The following KCNJ6 variants were observed in gnomAD, a reference collection of about 807,000 sequenced individuals.
The protein encoded by KCNJ6 is potassium inwardly rectifying channel subfamily J member 6.
KCNJ6 carries 9 observed loss-of-function variants against 34.2 expected under a neutral mutation model. That is an observed-to-expected ratio of 0.26 (90% confidence interval 0.16 to 0.46). The LOEUF (loss-of-function observed/expected upper bound fraction) is 0.46. Ranked by LOEUF, KCNJ6 falls within the 20% of genes least tolerant of loss-of-function variation. The probability of loss-of-function intolerance (pLI) is 1.00; values close to 1 mark genes in which losing one functional copy is unlikely to be tolerated. For missense variants in KCNJ6, 236 were observed against 531.3 expected (o/e 0.44, Z 5.46); for synonymous variants, 196 against 207.1 (o/e 0.95, Z 0.46).
chr21:37,854,085 A>G (rs11088411), intron 1 of KCNJ6, among the ~76,000 whole-genome samples: 98,187 of 150,668 alleles, frequency 0.65, 32,462 homozygotes, highest in East Asian at 0.86. Context: ...AAGCCTTAAC[A>G]TGCTAATAAT....
intron 3 of KCNJ6, among the ~76,000 whole-genome samples, chr21:37,683,104 A>G (rs2054597573): frequency 6.6e-6 from 1 of 152,208 alleles, no homozygotes; most frequent in Non-Finnish European, 1.5e-5. Context: ...CTGGAAAAAT[A>G]TGTCCTCTGA....
intron 2 of KCNJ6, among the ~76,000 whole-genome samples, chr21:37,753,755 G>A (rs1028162410): frequency 6.6e-6 from 1 of 152,144 alleles, no homozygotes; most frequent in Non-Finnish European, 1.5e-5. Context: ...TTTTATAGGC[G>A]AGCCTTTGCT....
At chr21:37,858,392 C>CAG (rs746824122) in intron 1 of KCNJ6, among the ~76,000 whole-genome samples, 5 of 54,500 alleles carry the variant, frequency 9.2e-5, no homozygotes. Flanking sequence ...GACTCCGTCT[C>CAG]AAAAAAAAAA....
chr21:37,632,151 A>G (rs1447667403), intron 3 of KCNJ6, among the ~76,000 whole-genome samples: 1 of 152,016 alleles, frequency 6.6e-6, no homozygotes, highest in African/African-American at 2.4e-5. Flanking sequence ...AGAGGAGAGA[A>G]CTGGAGAAGA....
intron 3 of KCNJ6, among the ~76,000 whole-genome samples, chr21:37,640,465 G>A (rs1176287275): frequency 1.3e-5 from 2 of 152,258 alleles, no homozygotes; most frequent in Non-Finnish European, 2.9e-5. Context: ...GACACCACTA[G>A]GGATGCTCTT....
At chr21:37,913,961 C>CA (rs2055879706) in intron 1 of KCNJ6, among the ~76,000 whole-genome samples, 1 of 150,800 alleles carries the variant, frequency 6.6e-6, no homozygotes, top group African/African-American at 2.4e-5. Flanking sequence ...TTTTGAAAGC[C>CA]AAAGGGACTC....
intron 1 of KCNJ6, among the ~76,000 whole-genome samples, chr21:37,858,954 T>C (rs1349510460): frequency 6.6e-6 from 1 of 152,136 alleles, no homozygotes; most frequent in Admixed American, 6.6e-5. Context: ...TACTTTATGG[T>C]AGGGAGACAA....
intron 1 of KCNJ6, among the ~76,000 whole-genome samples, chr21:37,869,564 C>A (rs1054776808): frequency 1.3e-5 from 2 of 152,198 alleles, no homozygotes; most frequent in Non-Finnish European, 2.9e-5. Flanking sequence ...TCATTTCAAA[C>A]CCTGTCAGGA....
rs546111278 is a variant in KCNJ6 at position 37,731,263 on chromosome 21, G to C, written c.26-16132C>G. 1.1e-4 allele frequency among the ~76,000 whole-genome samples: 16 copies of C among 152,286 alleles called. No individual in the cohort carries two copies. The South Asian group carries it at 3.3e-3, about 32-fold the overall frequency. ...AATAATGGAGTGAAAGATTTAAGGG[G>C]CTTGTGTTTGGGATATGGGTCAACA... On this transcript the variant is annotated intron_variant, in intron 2 of 3. Coordinates refer to ENST00000609713, the MANE Select transcript of KCNJ6 (RefSeq NM_002240.5).
chr21:37,885,180 C>A (rs1422766469), intron 1 of KCNJ6, among the ~76,000 whole-genome samples: 1 of 152,150 alleles, frequency 6.6e-6, no homozygotes, highest in Non-Finnish European at 1.5e-5. Context: ...AACTGAAAAT[C>A]ATTTCCTAGG....
chr21:37,847,798 G>T, intron 1 of KCNJ6, among the ~76,000 whole-genome samples: 1 of 145,502 alleles, frequency 6.9e-6, no homozygotes, highest in African/African-American at 2.5e-5. Context: ...GAAGGAGGGG[G>T]AGAAACAGAA....
chr21:37,747,993 T>C (rs1008565627), intron 2 of KCNJ6, among the ~76,000 whole-genome samples: 39 of 152,210 alleles, frequency 2.6e-4, no homozygotes, highest in Non-Finnish European at 1.5e-4. Context: ...GACCCAGTGA[T>C]GGTCTCATGG....
At chr21:37,863,385 G>A (rs1158571289) in intron 1 of KCNJ6, among the ~76,000 whole-genome samples, 1 of 152,140 alleles carries the variant, frequency 6.6e-6, no homozygotes, top group African/African-American at 2.4e-5. Context: ...ATATTGATGG[G>A]TATCGCACAG....
intron 2 of KCNJ6, among the ~76,000 whole-genome samples, chr21:37,737,734 T>C (rs1017383987): frequency 2.6e-5 from 4 of 152,220 alleles, no homozygotes; most frequent in African/African-American, 4.8e-5. Context: ...CACCAAGCCA[T>C]GTACTCTGGT....
At chr21:37,870,845 C>T (rs540146581) in intron 1 of KCNJ6, among the ~76,000 whole-genome samples, 4 of 152,244 alleles carry the variant, frequency 2.6e-5, no homozygotes, top group Admixed American at 6.5e-5. Flanking sequence ...CTTCTGCACC[C>T]GGTGGGTTCT....
At chr21:37,912,151 T>A (rs568689473) in intron 1 of KCNJ6, among the ~76,000 whole-genome samples, 1 of 152,248 alleles carries the variant, frequency 6.6e-6, no homozygotes, top group South Asian at 2.1e-4. Flanking sequence ...GGTATCAAAA[T>A]GATTTTTTAA....
intron 3 of KCNJ6, among the ~76,000 whole-genome samples, chr21:37,651,916 A>C (rs1404749805): frequency 6.6e-6 from 1 of 152,134 alleles, no homozygotes; most frequent in East Asian, 1.9e-4. Flanking sequence ...TTGTAACCTT[A>C]TTTTCAACCT....
At chr21:37,830,608 T>G (rs1201997985) in intron 2 of KCNJ6, among the ~76,000 whole-genome samples, 1 of 152,148 alleles carries the variant, frequency 6.6e-6, no homozygotes, top group Non-Finnish European at 1.5e-5. Flanking sequence ...AAAGCCCAGT[T>G]CATTCCTTCC....
chr21:37,678,801 T>C (rs756994973), intron 3 of KCNJ6, among the ~76,000 whole-genome samples: 17 of 152,222 alleles, frequency 1.1e-4, no homozygotes, highest in Non-Finnish European at 1.3e-4. Flanking sequence ...TGGTGAAGCA[T>C]GTAGCTGTTG....
Sources: gnomAD v4.1 joint callset for allele counts (sites outside exome capture counted in the v4.1 genomes callset) on GRCh38, gnomAD v4.1.1 for gene constraint, MANE v1.5 for transcripts, NCBI Gene and HGNC (gene_info 2026-07-23, HGNC 2026-07-21) for gene names.